SCN4B: variants seen among roughly 807,000 people sequenced by gnomAD.
SCN4B encodes the protein sodium voltage-gated channel beta subunit 4, also known as sodium channel regulatory subunit beta-4.
A neutral mutation model predicts 19.6 loss-of-function variants in SCN4B; 20 were observed. The ratio of observed to expected loss-of-function variants is 1.02; its 90% CI spans 0.72 to 1.48. The LOEUF (loss-of-function observed/expected upper bound fraction) is 1.48. SCN4B is among the 40% of genes most tolerant of loss of function. The pLI is 0.00. For missense variants in SCN4B, 271 were observed against 287.5 expected (o/e 0.94, Z 0.42); for synonymous variants, 127 against 122.8 (o/e 1.03, Z -0.22).
In SCN4B at chr11:118,135,601, A is replaced by G. The variant is rs752195716; in HGVS notation, c.*1426T>C. The G allele has an allele frequency of 4.6e-5, 21 of 453,978 alleles. No homozygotes were observed. Among genetic ancestry groups the G allele is most frequent in the South Asian group, 3.3e-4 (21 of 64,464 alleles). 28.1% of individuals were successfully genotyped at this position (453,978 alleles called of 1,614,324 possible). ...CCCCTAGGGCAGGCTAGAAACCCCA[A>G]TGGGAGCACCTGGCCGACATCTCCA... is the stretch of plus-strand genomic sequence containing the variant. On this transcript the variant is annotated 3_prime_UTR_variant, in exon 5 of 5. Transcript: ENST00000324727.
rs1472102303 is a variant in SCN4B at position 118,148,081 on chromosome 11, G to A, written c.62-2852C>T. Reference sequence around the variant, plus strand: ...CTGCCTGGTTTGTGTGCACCTATGTGGATGACTTAAGTCCAATACACTCAG... The same window carrying A: ...CTGCCTGGTTTGTGTGCACCTATGTAGATGACTTAAGTCCAATACACTCAG... On this transcript the variant is annotated intron_variant, in intron 1 of 4. Transcript: ENST00000324727. This position sits in a 1 kb window ranked among gnomAD's most constrained non-coding sequence, Gnocchi z 4.0. Among the ~76,000 whole-genome samples the A allele has an allele frequency of 6.6e-6, 1 of 152,226 alleles. No individual in the cohort carries two copies. The highest frequency in any genetic ancestry group is 2.4e-5 in the African/African-American group (1 of 41,452).
rs1948208303 is a variant in SCN4B at position 118,148,839 on chromosome 11, T to C, written c.62-3610A>G. Among the ~76,000 whole-genome samples the C allele has an allele frequency of 6.6e-6, 1 of 152,216 alleles. No individual in the cohort carries two copies. Among genetic ancestry groups the C allele is most frequent in the Non-Finnish European group, 1.5e-5 (1 of 68,032 alleles). On this transcript the variant is annotated intron_variant, in intron 1 of 4. Transcript: ENST00000324727. This position sits in a 1 kb window ranked among gnomAD's most constrained non-coding sequence, Gnocchi z 4.0. ...CATTTCCCCGGAGTAAAGAAAGCCT[T>C]GCTTTGCTGTTTTCTAAAGTTAATT...
intron 1 of SCN4B, among the ~76,000 whole-genome samples, chr11:118,149,001 C>T (rs1948209953): frequency 6.6e-6 from 1 of 152,160 alleles, no homozygotes; most frequent in Admixed American, 6.5e-5. Flanking sequence ...TGCTTTTCCT[C>T]ACTAAAAAGC....
At position 118,137,099 on chromosome 11, in the gene SCN4B, G is replaced by A; in HGVS notation, c.615C>T (p.Ser205=). Residue 205 remains serine, a synonymous_variant, in exon 5 of 5, where the codon TCC becomes TCT. Transcript: ENST00000324727. ...REKKKECLVS[S]SGNDNTENGL... ...CGTTCTCCGTGTTGTCATTCCCCGAGGAGCTCACGAGACACTCCTTCCTGG... is the reference window on the plus strand; with the variant it reads ...CGTTCTCCGTGTTGTCATTCCCCGAAGAGCTCACGAGACACTCCTTCCTGG... 1 of 1,613,884 alleles carries A rather than the reference G, an allele frequency of 6.2e-7. No homozygotes were observed. Among genetic ancestry groups the A allele is most frequent in the Non-Finnish European group, 8.5e-7 (1 of 1,179,758 alleles).
chr11:118,145,413 A>T lies in SCN4B; in HGVS notation c.62-184T>A, dbSNP rs1012068693. Reference sequence around the variant, plus strand: ...CCTGGGCCACCCTCCATCATTCTCCATTTCTCCCCTGGAAAGGACTGAATT... The same window carrying T: ...CCTGGGCCACCCTCCATCATTCTCCTTTTCTCCCCTGGAAAGGACTGAATT... On this transcript the variant is annotated intron_variant, in intron 1 of 4. Transcript: ENST00000324727. The T allele has an allele frequency of 3.3e-6, 5 of 1,521,570 alleles. No individual in the cohort carries two copies. The African/African-American group carries it at 4.1e-5, about 13-fold the overall frequency. The allele number at this position is 1,521,570 out of a possible 1,614,324, so 94.3% of individuals were successfully genotyped here.
In SCN4B at chr11:118,136,042, G is replaced by A. The variant is rs747454349; in HGVS notation, c.*985C>T. 5.7e-5 allele frequency: 25 copies of A among 436,544 alleles called. 3 individuals are homozygous for A. Among genetic ancestry groups the A allele is most frequent in the South Asian group, 2.4e-4 (15 of 61,816 alleles). 27.0% of individuals were successfully genotyped at this position (436,544 alleles called of 1,614,324 possible). A position where few individuals can be genotyped will look rare whatever the true frequency, so the allele number is the denominator to read the frequency against. On this transcript the variant is annotated 3_prime_UTR_variant, in exon 5 of 5. Coordinates refer to ENST00000324727, the MANE Select transcript of SCN4B (RefSeq NM_174934.4). ...GGGCGTGATGGAGGGCACGGTGGGG[G>A]GGGGGGAGCGAGCCAATGGGAGGTT... is the stretch of plus-strand genomic sequence containing the variant.
chr11:118,146,752 TCTA>T (rs1199613467), intron 1 of SCN4B, among the ~76,000 whole-genome samples: 4 of 152,334 alleles, frequency 2.6e-5, no homozygotes, highest in South Asian at 2.1e-4. Context: ...TAACTGAGCA[TCTA>T]CTATGTGCCA....
chr11:118,133,528 C>T lies in SCN4B; in HGVS notation c.*3499G>A, dbSNP rs538359069. ...TGGGCATCTGCGCCTCCCAGAGGCA[C>T]TCGCACACCTGAGGCCTCCCAAGGC... On this transcript the variant is annotated 3_prime_UTR_variant, in exon 5 of 5. Coordinates refer to ENST00000324727, the MANE Select transcript of SCN4B (RefSeq NM_174934.4). 4.8e-5 allele frequency: 22 copies of T among 454,304 alleles called. 1 individual carries two copies. Among genetic ancestry groups the T allele is most frequent in the South Asian group, 3.3e-4 (21 of 64,480 alleles). The allele number at this position is 454,304 out of a possible 1,614,324, so 28.1% of individuals were successfully genotyped here.
At position 118,135,250 on chromosome 11, in the gene SCN4B, G is replaced by C. The variant is rs1007300575; in HGVS notation, c.*1777C>G. 1 of 453,856 alleles carries C rather than the reference G, an allele frequency of 2.2e-6. No homozygotes were observed. Among genetic ancestry groups the C allele is most frequent in the Non-Finnish European group, 4.4e-6 (1 of 226,590 alleles). 28.1% of individuals were successfully genotyped at this position (453,856 alleles called of 1,614,324 possible). On this transcript the variant is annotated 3_prime_UTR_variant, in exon 5 of 5. Coordinates refer to ENST00000324727, the MANE Select transcript of SCN4B (RefSeq NM_174934.4). ...GGGGAACTGGTGAGCCCAGCAGGTT[G>C]GCTAAGGGACACTGGCCACAGCCAC... is the stretch of plus-strand genomic sequence containing the variant.
rs1948245874 is a variant in SCN4B, at chr11:118,152,643, G to C, written c.31C>G (p.Pro11Ala). The C allele has an allele frequency of 6.2e-7, 1 of 1,612,024 alleles. No homozygotes were observed. Among genetic ancestry groups the C allele is most frequent in the Non-Finnish European group, 8.5e-7 (1 of 1,178,896 alleles). ...AGCCCAGTGCCCAGCCATCTCGCCGGGGCTTTGCCTCCGTCCCCAGCCCCG... is the reference window on the plus strand; with the variant it reads ...AGCCCAGTGCCCAGCCATCTCGCCGCGGCTTTGCCTCCGTCCCCAGCCCCG... MPGAGDGGKA[P>A]ARWLGTGLLG... Residue 11 changes from proline to alanine, a missense_variant, in exon 1 of 5, where the codon CCG becomes GCG. Physicochemically the swap from Pro to Ala is conservative, Grantham distance 27 (BLOSUM62 -1). Coordinates refer to ENST00000324727, the MANE Select transcript of SCN4B (RefSeq NM_174934.4).
intron 2 of SCN4B, among the ~76,000 whole-genome samples, chr11:118,144,329 C>G (rs1316870184): frequency 6.6e-6 from 1 of 152,200 alleles, no homozygotes; most frequent in African/African-American, 2.4e-5. Context: ...TCTTACTGCT[C>G]TCTTCATAAA....
At chr11:118,149,392 G>A (rs1047975835) in intron 1 of SCN4B, among the ~76,000 whole-genome samples, 2 of 152,178 alleles carry the variant, frequency 1.3e-5, no homozygotes, top group East Asian at 1.9e-4. Flanking sequence ...TCTGGCCCAG[G>A]GAGAGTTAGA....
Position 118,133,991 on chromosome 11 carries a change from C to T in SCN4B, c.*3036G>A, listed in dbSNP as rs1231496927. ...CCCATCCACTCCACAGTTACGCTGC[C>T]ATGCACCCACACTGCCTGCACACGC... On this transcript the variant is annotated 3_prime_UTR_variant, in exon 5 of 5. Transcript: ENST00000324727. 4.4e-6 allele frequency: 2 copies of T among 454,706 alleles called. No individual in the cohort carries two copies. The highest frequency in any genetic ancestry group is 4.4e-6 in the Non-Finnish European group (1 of 226,762). The allele number at this position is 454,706 out of a possible 1,614,324, so 28.2% of individuals were successfully genotyped here. A position where few individuals can be genotyped will look rare whatever the true frequency, so the allele number is the denominator to read the frequency against.
At chr11:118,145,492 C>G in intron 1 of SCN4B, 1 of 1,382,788 alleles carries the variant, frequency 7.2e-7, no homozygotes, top group Non-Finnish European at 9.5e-7. Flanking sequence ...GGGGTCACCC[C>G]AACCCAAGGA....
In SCN4B at chr11:118,134,404, T is replaced by C. The variant is rs868344; in HGVS notation, c.*2623A>G. The stretch of plus-strand genomic sequence containing the variant: ...GCACTGAGGTTCCACTTGGGGAAGA[T>C]AGCTTTGCCCATATACATCCTAGTG... On this transcript the variant is annotated 3_prime_UTR_variant, in exon 5 of 5. Transcript: ENST00000324727. 0.28 allele frequency: 124,908 copies of C among 453,964 alleles called. 19,770 individuals are homozygous for C. Among genetic ancestry groups the C allele is most frequent in the Non-Finnish European group, 0.35 (79,025 of 226,728 alleles). The allele number at this position is 453,964 out of a possible 1,614,324, so 28.1% of individuals were successfully genotyped here.
At chr11:118,144,995 C>T (rs1948151474) in intron 2 of SCN4B, 62 bp downstream of exon 2, 3 of 1,526,034 alleles carry the variant, frequency 2.0e-6, no homozygotes, top group Middle Eastern at 1.9e-4. Context: ...GGGACCAGAG[C>T]GTAGGAGGCG....
chr11:118,145,094 A>C lies in SCN4B; in HGVS notation c.197T>G (p.Phe66Cys). 6.2e-7 allele frequency: 1 copy of C among 1,614,090 alleles called. No homozygotes were observed. Among genetic ancestry groups the C allele is most frequent in the Non-Finnish European group, 8.5e-7 (1 of 1,179,992 alleles). The change falls in exon 2 of 5, where the codon TTC (phenylalanine) becomes TGC (cysteine). Residue 66 changes from phenylalanine (F) to cysteine (C), a missense_variant. Physicochemically the swap from Phe to Cys is radical, Grantham distance 205. Transcript: ENST00000324727. ...SSCFGFEDLH[F>C]RWTYNSSDAF... is the part of the protein sequence containing the mutation. ...GTCACTGCTGTTGTAGGTCCACCGGAAGTGGAGGTCCTCGAAGCCAAAGCA... is the reference window on the plus strand; with the variant it reads ...GTCACTGCTGTTGTAGGTCCACCGGCAGTGGAGGTCCTCGAAGCCAAAGCA...
At chr11:118,150,594 CTTGGCCATCAA>C (rs1948225117) in intron 1 of SCN4B, among the ~76,000 whole-genome samples, 1 of 152,218 alleles carries the variant, frequency 6.6e-6, no homozygotes, top group Non-Finnish European at 1.5e-5. Flanking sequence ...TTCTGTCCCA[CTTGGCCATCAA>C]TTGGCCATGA....
chr11:118,147,704 C>A (rs941878459), intron 1 of SCN4B, among the ~76,000 whole-genome samples: 1 of 152,170 alleles, frequency 6.6e-6, no homozygotes, highest in Non-Finnish European at 1.5e-5. Flanking sequence ...CCTCCACAGC[C>A]CCCACAAACA....
Sources: allele counts gnomAD v4.1 joint callset (sites outside exome capture counted in the v4.1 genomes callset), GRCh38; gene constraint gnomAD v4.1.1; non-coding constraint Gnocchi (gnomAD v3.1); transcripts MANE v1.5; gene names NCBI Gene and HGNC (gene_info 2026-07-23, HGNC 2026-07-21).